The following HECTD2 variants were observed in gnomAD, a reference collection of about 807,000 sequenced individuals.
HECTD2 encodes probable E3 ubiquitin-protein ligase HECTD2.
A neutral mutation model predicts 103.2 loss-of-function variants in HECTD2; 35 were observed. The ratio of observed to expected loss-of-function variants is 0.34; its 90% CI spans 0.26 to 0.45. The LOEUF (loss-of-function observed/expected upper bound fraction) is 0.45, where lower values mean the gene tolerates loss of function less well. Ranked by LOEUF, HECTD2 falls within the 20% of genes least tolerant of loss-of-function variation. The pLI is 1.00. For synonymous variants in HECTD2, 281 were observed against 329.9 expected (o/e 0.85, Z 1.61); for missense variants, 596 against 937.4 (o/e 0.64, Z 4.76).
intron 9 of HECTD2, 134 bp from the exon 10 acceptor site, chr10:91,485,046 T>C: frequency 1.7e-6 from 1 of 576,402 alleles, no homozygotes; most frequent in Non-Finnish European, 2.9e-6. Flanking sequence ...CCCCTTTCAT[T>C]TGGAGCTACA....
At chr10:91,435,445 G>T (rs1465634140) in intron 2 of HECTD2, among the ~76,000 whole-genome samples, 1 of 151,962 alleles carries the variant, frequency 6.6e-6, no homozygotes, top group Non-Finnish European at 1.5e-5. Flanking sequence ...TGGCAAGCCA[G>T]GAATAAGAAG....
upstream of HECTD2, among the ~76,000 whole-genome samples, chr10:91,409,767 C>T (rs1481834558): frequency 6.6e-6 from 1 of 152,126 alleles, no homozygotes; most frequent in Non-Finnish European, 1.5e-5. Context: ...CTCCTGGGCT[C>T]AGGAGGGCGG....
rs566910014 is a variant in HECTD2, at chr10:91,469,325, A to G, written c.600+7141A>G. ...CCTCAGATTCTCCAAAGTCAAAATG[A>G]ATGAAAAAATGTTAAAGGCAGCTAC... On this transcript the variant is annotated intron_variant, in intron 5 of 20. Transcript: ENST00000298068. Among the ~76,000 whole-genome samples the G allele has an allele frequency of 3.3e-5, 5 of 152,322 alleles. No individual in the cohort carries two copies. In the South Asian group the frequency reaches 1.0e-3, roughly 32 times the overall value.
upstream of HECTD2, among the ~76,000 whole-genome samples, chr10:91,410,000 C>T (rs1010999473): frequency 5.9e-5 from 9 of 152,184 alleles, no homozygotes; most frequent in East Asian, 3.9e-4. Context: ...CTTGTCTCCC[C>T]GACTGCCCGT....
chr10:91,500,690 A>G, intron 19 of HECTD2, 73 bp downstream of exon 19: 1 of 729,884 alleles, frequency 1.4e-6, no homozygotes, highest in South Asian at 1.7e-5. Context: ...ATTTATTTGC[A>G]TAACTTACAA....
intron 12 of HECTD2, 70 bp from the exon 13 acceptor site, chr10:91,492,282 C>A (rs949769506): frequency 7.0e-6 from 10 of 1,421,534 alleles, no homozygotes; most frequent in Admixed American, 3.8e-5. Context: ...ACACATTTCC[C>A]AGAATTAAAA....
chr10:91,486,114 T>C (rs1483683240), intron 10 of HECTD2: 1 of 152,076 alleles, frequency 6.6e-6, no homozygotes, highest in African/African-American at 2.4e-5. Context: ...AGAGATACAG[T>C]GTGGATATAA....
chr10:91,477,206 C>T (rs180676078), intron 5 of HECTD2, among the ~76,000 whole-genome samples: 1 of 152,178 alleles, frequency 6.6e-6, no homozygotes, highest in Admixed American at 6.5e-5. Flanking sequence ...AAAAAAACCC[C>T]TGCGGGTCCA....
intron 5 of HECTD2, among the ~76,000 whole-genome samples, chr10:91,473,926 A>T (rs552482964): frequency 6.6e-6 from 1 of 152,206 alleles, no homozygotes; most frequent in Admixed American, 6.5e-5. Flanking sequence ...CCTAACTCTC[A>T]TGTTGTTCAA....
chr10:91,436,546 T>C (rs1844126461), intron 2 of HECTD2, among the ~76,000 whole-genome samples: 1 of 151,986 alleles, frequency 6.6e-6, no homozygotes, highest in African/African-American at 2.4e-5. Flanking sequence ...ACCTCATCTG[T>C]GTCTGGCATT....
rs1847231148 is a variant in HECTD2 at position 91,507,374 on chromosome 10, C to A, written c.2211-4890C>A. On this transcript the variant is annotated intron_variant, in intron 20 of 20. Coordinates refer to ENST00000298068, the MANE Select transcript of HECTD2 (RefSeq NM_182765.6). The stretch of plus-strand genomic sequence containing the variant: ...ATGACATGATTGTATATCTAGAAAA[C>A]CCCATTGTCTCAGCCCAAAATCTCC... Among the ~76,000 whole-genome samples, 6 of 151,362 alleles carry A rather than the reference C, an allele frequency of 4.0e-5. No homozygotes were observed. In the South Asian group the frequency reaches 1.3e-3, roughly 32 times the overall value.
chr10:91,472,395 A>G (rs1395684046), intron 5 of HECTD2, among the ~76,000 whole-genome samples: 3 of 152,194 alleles, frequency 2.0e-5, no homozygotes, highest in Non-Finnish European at 2.9e-5. Flanking sequence ...CATAGGCCCT[A>G]GCAAAGATTT....
At chr10:91,455,188 A>G (rs1304191108) in intron 2 of HECTD2, among the ~76,000 whole-genome samples, 1 of 152,170 alleles carries the variant, frequency 6.6e-6, no homozygotes, top group Non-Finnish European at 1.5e-5. Flanking sequence ...TCCCACAAAC[A>G]GGGTAAAAGT....
At chr10:91,477,650 AAT>A (rs1181396310) in intron 5 of HECTD2, among the ~76,000 whole-genome samples, 1 of 152,206 alleles carries the variant, frequency 6.6e-6, no homozygotes, top group Non-Finnish European at 1.5e-5. Context: ...ATAAAAGCAT[AAT>A]ATATGTGTAT....
intron 2 of HECTD2, among the ~76,000 whole-genome samples, chr10:91,428,418 T>C (rs375342246): frequency 1.3e-5 from 2 of 151,742 alleles, no homozygotes; most frequent in Admixed American, 6.6e-5. Context: ...GTGAAGAAAG[T>C]CATTGGTAGC....
intron 2 of HECTD2, among the ~76,000 whole-genome samples, chr10:91,460,041 G>A (rs1180540673): frequency 1.3e-5 from 2 of 152,066 alleles, no homozygotes; most frequent in Non-Finnish European, 2.9e-5. Flanking sequence ...AGCAATGTGT[G>A]ACTATGTTCA....
intron 5 of HECTD2, among the ~76,000 whole-genome samples, chr10:91,470,183 T>C (rs922141904): frequency 6.6e-6 from 1 of 152,148 alleles, no homozygotes; most frequent in African/African-American, 2.4e-5. Flanking sequence ...CAAAGATACA[T>C]GGGACCTGAA....
intron 13 of HECTD2, 152 bp downstream of exon 13, chr10:91,492,636 TA>T: frequency 1.5e-6 from 1 of 652,144 alleles, no homozygotes; most frequent in South Asian, 2.1e-5. Context: ...ATTTACATTT[TA>T]AAAACTTGTT....
intron 20 of HECTD2, among the ~76,000 whole-genome samples, chr10:91,507,336 T>C (rs1474437603): frequency 1.4e-4 from 21 of 151,568 alleles, no homozygotes; most frequent in African/African-American, 4.6e-4. Flanking sequence ...AGTCAAATTG[T>C]CCCTGTTTGC....
Sources: allele counts gnomAD v4.1 joint callset (sites outside exome capture counted in the v4.1 genomes callset), GRCh38; gene constraint gnomAD v4.1.1; transcripts MANE v1.5; gene names NCBI Gene and HGNC (gene_info 2026-07-23, HGNC 2026-07-21).